Variants in MBP observed in about 807,000 individuals in gnomAD.
MBP encodes myelin basic protein.
In MBP, 16 loss-of-function variants were observed where a neutral mutation model predicts 35.8. That is an observed-to-expected ratio of 0.45 (90% CI 0.30 to 0.68). MBP has a LOEUF of 0.68. Among genes scored for constraint, MBP ranks in the 30% least tolerant of loss-of-function variants. MBP has a pLI of 0.08. For synonymous variants in MBP, 143 were observed against 159.6 expected (o/e 0.90, Z 0.78); for missense variants, 380 against 404.7 (o/e 0.94, Z 0.52).
rs1008120648 is a variant in MBP, at chr18:77,044,424, T to A, written c.139+21874A>T. 2.0e-5 allele frequency among the ~76,000 whole-genome samples: 3 copies of A among 152,096 alleles called. No homozygotes were observed. Among genetic ancestry groups the A allele is most frequent in the African/African-American group, 7.2e-5 (3 of 41,416 alleles). ...TCCACCTCCATAGATCAGGCTTCAGTGTCTGGGGACCTGGGGACTGCTGTC... is the reference window on the plus strand; with the variant it reads ...TCCACCTCCATAGATCAGGCTTCAGAGTCTGGGGACCTGGGGACTGCTGTC... On this transcript the variant is annotated intron_variant, in intron 3 of 8. Coordinates refer to ENST00000355994, the MANE Select transcript of MBP (RefSeq NM_001025101.2). The surrounding 1 kb of genome is among the most constrained non-coding windows in gnomAD (Gnocchi z 4.4).
Position 76,989,166 on chromosome 18 carries a change from T to C in MBP, c.682-254A>G. 1 of 660,686 alleles carries C rather than the reference T, an allele frequency of 1.5e-6. No individual in the cohort carries two copies. Among genetic ancestry groups the C allele is most frequent in the Non-Finnish European group, 2.8e-6 (1 of 358,792 alleles). The allele number at this position is 660,686 out of a possible 1,614,324, so 40.9% of individuals were successfully genotyped here. On this transcript the variant is annotated intron_variant, in intron 5 of 8. Coordinates refer to ENST00000355994, the MANE Select transcript of MBP (RefSeq NM_001025101.2). This position sits in a 1 kb window ranked among gnomAD's most constrained non-coding sequence, Gnocchi z 4.0. ...TGGAAAACACCTCCCAGAGGCTCCGTAGCTGGGGAATGGGCCCATCTTGGG... is the reference window on the plus strand; with the variant it reads ...TGGAAAACACCTCCCAGAGGCTCCGCAGCTGGGGAATGGGCCCATCTTGGG...
intron 4 of MBP, chr18:77,005,539 A>G (rs1398530875): frequency 1.3e-5 from 2 of 152,220 alleles, no homozygotes; most frequent in African/African-American, 2.4e-5. Context: ...GATGACTCGG[A>G]GCTGATGGCC....
At position 77,101,428 on chromosome 18, in the gene MBP, G is replaced by A. The variant is rs532923312; in HGVS notation, c.51+3783C>T. Among the ~76,000 whole-genome samples the A allele has an allele frequency of 2.0e-5, 3 of 152,328 alleles. No individual in the cohort carries two copies. In the East Asian group the frequency reaches 5.8e-4, roughly 29 times the overall value. On this transcript the variant is annotated intron_variant, in intron 2 of 8. Coordinates refer to ENST00000355994, the MANE Select transcript of MBP (RefSeq NM_001025101.2). This position sits in a 1 kb window ranked among gnomAD's most constrained non-coding sequence, Gnocchi z 4.3. ...AGTTTCTTCGTTTCTGAGAAGGAGC[G>A]CTGTGCCCTGAACCTGCGCCTGCCT...
At chr18:77,048,739 C>G (rs1031439579) in intron 3 of MBP, among the ~76,000 whole-genome samples, 14 of 152,170 alleles carry the variant, frequency 9.2e-5, no homozygotes, top group Admixed American at 6.5e-4. Context: ...GTTGGGATTA[C>G]AGGCGTGAGC....
intron 2 of MBP, chr18:77,087,657 G>C (rs1456348868): frequency 6.5e-6 from 1 of 152,688 alleles, no homozygotes; most frequent in Non-Finnish European, 1.5e-5. Flanking sequence ...AACACCGCAG[G>C]AGGAGGGGAG....
chr18:77,003,572 T>A (rs562862267), intron 4 of MBP: 133 of 152,282 alleles, frequency 8.7e-4, no homozygotes, highest in African/African-American at 3.1e-3. Flanking sequence ...CAGAAGATAG[T>A]GGTGTCACTG....
At chr18:76,997,268 G>C (rs1029430737) in intron 4 of MBP, among the ~76,000 whole-genome samples, 7 of 152,212 alleles carry the variant, frequency 4.6e-5, no homozygotes, top group African/African-American at 1.7e-4. Flanking sequence ...GTGACCAGAG[G>C]AACAAAAGCC....
chr18:77,050,599 T>G (rs1973449427), intron 3 of MBP, among the ~76,000 whole-genome samples: 1 of 152,164 alleles, frequency 6.6e-6, no homozygotes, highest in African/African-American at 2.4e-5. Context: ...TGGGCTGGAG[T>G]GCAATGGCGT....
In MBP at chr18:77,043,664, A is replaced by G. The variant is rs114502987; in HGVS notation, c.139+22634T>C. On this transcript the variant is annotated intron_variant, in intron 3 of 8. Transcript: ENST00000355994. ...AAATGTCATCCCTAGAAATGGCTTC[A>G]TTTGGGATAAAGCTTTGAACTTGCG... Among the ~76,000 whole-genome samples, 451 of 152,344 alleles carry G rather than the reference A, an allele frequency of 3.0e-3. 3 individuals are homozygous for G. The highest frequency in any genetic ancestry group is 9.7e-3 in the African/African-American group (405 of 41,576).
intron 2 of MBP, among the ~76,000 whole-genome samples, chr18:77,070,635 C>T (rs1974400662): frequency 1.3e-5 from 2 of 152,198 alleles, no homozygotes; most frequent in South Asian, 4.1e-4. Flanking sequence ...AAACCCTCTA[C>T]CCAGCCTTGA....
At chr18:77,071,068 G>C (rs1272110323) in intron 2 of MBP, among the ~76,000 whole-genome samples, 8 of 152,176 alleles carry the variant, frequency 5.3e-5, no homozygotes, top group Non-Finnish European at 1.0e-4. Context: ...GTGGTCTGGA[G>C]GTGGCAATTT....
At chr18:77,036,412 A>C in intron 3 of MBP, among the ~76,000 whole-genome samples, 1 of 139,766 alleles carries the variant, frequency 7.2e-6, no homozygotes, top group Non-Finnish European at 1.5e-5. Context: ...CAGAGGACTG[A>C]GCTGAGCAAG....
intron 3 of MBP, among the ~76,000 whole-genome samples, chr18:77,024,359 G>A (rs1004175189): frequency 1.3e-5 from 2 of 152,092 alleles, no homozygotes; most frequent in African/African-American, 2.4e-5. Flanking sequence ...TGGATACCCC[G>A]GTCTAAAGAA....
At chr18:76,986,276 G>A in intron 7 of MBP, 1 of 985,564 alleles carries the variant, frequency 1.0e-6, no homozygotes, top group South Asian at 4.7e-5. Flanking sequence ...AGACTTGAGG[G>A]AACCAAACCA....
At position 77,033,999 on chromosome 18, in the gene MBP, T is replaced by C. The variant is rs1764475209; in HGVS notation, c.140-16731A>G. On this transcript the variant is annotated intron_variant, in intron 3 of 8. Coordinates refer to ENST00000355994, the MANE Select transcript of MBP (RefSeq NM_001025101.2). ...CCCACTGCACCCCTCATCCGCAGTA[T>C]GGTGGAGCCTATCTATGATGAAGTG... Among the ~76,000 whole-genome samples, 2 of 139,894 alleles carry C rather than the reference T, an allele frequency of 1.4e-5. 1 individual carries two copies. Among genetic ancestry groups the C allele is most frequent in the South Asian group, 4.4e-4 (2 of 4,588 alleles). The allele number at this position is 139,894 out of a possible 152,430, so 91.8% of individuals were successfully genotyped here.
chr18:76,985,297 C>A (rs1371714187), intron 7 of MBP: 36 of 1,302,878 alleles, frequency 2.8e-5, no homozygotes, highest in Non-Finnish European at 3.6e-5. Flanking sequence ...AGGACTCGGA[C>A]CCTGGGGGGC....
chr18:76,990,365 TG>T (rs1415199827), intron 4 of MBP, among the ~76,000 whole-genome samples: 1 of 151,580 alleles, frequency 6.6e-6, no homozygotes, highest in African/African-American at 2.4e-5. Context: ...CATTGCTCGG[TG>T]GGTGGAAAAT....
Position 76,984,894 on chromosome 18 carries a change from C to G in MBP, c.751G>C (p.Gly251Arg). The change falls in exon 8 of 9, where the codon GGG becomes CGG. Residue 251 changes from glycine (G) to arginine (R), a missense_variant and splice_region_variant. Gly to Arg is a moderately radical substitution (Grantham distance 125, BLOSUM62 -2). Coordinates refer to ENST00000355994, the MANE Select transcript of MBP (RefSeq NM_001025101.2). ...RGLSLSRFSW[G>R]AEGQRPGFGY... is the part of the protein sequence containing the mutation. ...AATCCTGGTCTCTGGCCTTCGGCCC[C>G]CTGCAAGAGAAGACCACGGAGCTCA... is the stretch of plus-strand genomic sequence containing the variant. 1.9e-6 allele frequency: 3 copies of G among 1,613,184 alleles called. No homozygotes were observed. The highest frequency in any genetic ancestry group is 2.2e-5 in the South Asian group (2 of 91,052).
chr18:77,099,561 A>G (rs552645991), intron 2 of MBP, among the ~76,000 whole-genome samples: 2 of 152,308 alleles, frequency 1.3e-5, no homozygotes, highest in East Asian at 3.9e-4. Context: ...CTCCCACGCA[A>G]GGATCGTTTC....
Sources: gnomAD v4.1 joint callset for allele counts (sites outside exome capture counted in the v4.1 genomes callset) on GRCh38, gnomAD v4.1.1 for gene constraint, Gnocchi (gnomAD v3.1) non-coding constraint, MANE v1.5 for transcripts, NCBI Gene and HGNC (gene_info 2026-07-23, HGNC 2026-07-21) for gene names.